SPIRE1: variants seen among roughly 807,000 people sequenced by gnomAD.
SPIRE1 encodes the protein protein spire homolog 1.
Under a neutral mutation model 94.1 loss-of-function variants are expected in SPIRE1, and 40 were observed. The observed-to-expected ratio is 0.43, with a 90% CI of 0.33 to 0.55. The LOEUF is 0.55. Among genes scored for constraint, SPIRE1 ranks in the 20% least tolerant of loss-of-function variants. The probability of loss-of-function intolerance (pLI) is 0.06; values close to 1 mark genes in which losing one functional copy is unlikely to be tolerated. For missense variants in SPIRE1, 838 were observed against 975.2 expected, an observed-to-expected ratio of 0.86 and a Z score of 1.87; for synonymous variants, 376 against 371.7, an observed-to-expected ratio of 1.01 and a Z score of -0.13.
chr18:12,655,211 C>T (rs1471125140), intron 1 of SPIRE1, among the ~76,000 whole-genome samples: 1 of 142,292 alleles, frequency 7.0e-6, no homozygotes, highest in African/African-American at 2.7e-5. Context: ...CTGGGCAATA[C>T]AGCAAGACCC....
At chr18:12,565,947 C>T (rs764329381) in intron 2 of SPIRE1, among the ~76,000 whole-genome samples, 11 of 140,622 alleles carry the variant, frequency 7.8e-5, no homozygotes, top group South Asian at 4.6e-4. Context: ...GGGAGTAGAT[C>T]GCTTGAACCT....
chr18:12,629,458 C>T (rs181009477), intron 2 of SPIRE1, among the ~76,000 whole-genome samples: 9 of 152,246 alleles, frequency 5.9e-5, no homozygotes, highest in Admixed American at 3.9e-4. Flanking sequence ...GACAGGCAAG[C>T]GCCTACGAGT....
At chr18:12,625,696 G>A (rs576012738) in intron 2 of SPIRE1, among the ~76,000 whole-genome samples, 2 of 152,230 alleles carry the variant, frequency 1.3e-5, no homozygotes, top group South Asian at 4.2e-4. Flanking sequence ...CTTCTTTCAG[G>A]TTGGATTTTT....
rs1342370641 is a variant in SPIRE1, at chr18:12,559,624, T to C, written c.373-12720A>G. On this transcript the variant is annotated intron_variant, in intron 2 of 16. Transcript: ENST00000409402. This position sits in a 1 kb window ranked among gnomAD's most constrained non-coding sequence, Gnocchi z 4.7. ...GGTGCCAAGAGCGAGCGAGGGCTGCTAGCACGTTGTCACCTCTCACTACTA... is the reference window on the plus strand; with the variant it reads ...GGTGCCAAGAGCGAGCGAGGGCTGCCAGCACGTTGTCACCTCTCACTACTA... Among the ~76,000 whole-genome samples, 1 of 152,150 alleles carries C rather than the reference T, an allele frequency of 6.6e-6. No individual in the cohort carries two copies. Among genetic ancestry groups the C allele is most frequent in the Non-Finnish European group, 1.5e-5 (1 of 68,018 alleles).
chr18:12,451,071 T>TAA, intron 16 of SPIRE1: 1 of 388,524 alleles, frequency 2.6e-6, no homozygotes, highest in Admixed American at 3.7e-5. Context: ...ACTGTCCATT[T>TAA]GAAAAAAAAA....
intron 1 of SPIRE1, among the ~76,000 whole-genome samples, chr18:12,651,314 T>C (rs1237180303): frequency 6.6e-6 from 1 of 152,174 alleles, no homozygotes; most frequent in African/African-American, 2.4e-5. Flanking sequence ...ACTTCATATA[T>C]TCCTTTCCTT....
chr18:12,588,915 T>G (rs1224679921), intron 2 of SPIRE1, among the ~76,000 whole-genome samples: 1 of 152,200 alleles, frequency 6.6e-6, no homozygotes, highest in African/African-American at 2.4e-5. Flanking sequence ...TACAAACATC[T>G]TTGCCACTTG....
chr18:12,590,710 C>T (rs1477355536), intron 2 of SPIRE1, among the ~76,000 whole-genome samples: 1 of 152,130 alleles, frequency 6.6e-6, no homozygotes, highest in Non-Finnish European at 1.5e-5. Flanking sequence ...AAGACACAGG[C>T]ATGAAGACCC....
chr18:12,485,555 G>T (rs373854494), intron 9 of SPIRE1, among the ~76,000 whole-genome samples: 2 of 152,234 alleles, frequency 1.3e-5, no homozygotes, highest in East Asian at 3.9e-4. Context: ...TTAAATAACT[G>T]AATGCTTTAG....
chr18:12,451,597 TTCATGCTGGGC>T (rs900895767), intron 16 of SPIRE1, among the ~76,000 whole-genome samples: 1 of 152,128 alleles, frequency 6.6e-6, no homozygotes, highest in Admixed American at 6.6e-5. Flanking sequence ...AGGCACAAGG[TTCATGCTGGGC>T]TCACAGCTTC....
intron 2 of SPIRE1, among the ~76,000 whole-genome samples, chr18:12,590,477 A>G (rs2036502016): frequency 6.6e-6 from 1 of 152,206 alleles, no homozygotes; most frequent in South Asian, 2.1e-4. Flanking sequence ...CCATAGAAAA[A>G]GTTTTCGGGC....
intron 2 of SPIRE1, among the ~76,000 whole-genome samples, chr18:12,596,339 C>T (rs2036671102): frequency 6.6e-6 from 1 of 152,156 alleles, no homozygotes; most frequent in Non-Finnish European, 1.5e-5. Flanking sequence ...ATTTCCTATC[C>T]TTATTTTGCC....
intron 1 of SPIRE1, among the ~76,000 whole-genome samples, chr18:12,644,398 T>C (rs549428808): frequency 1.3e-5 from 2 of 152,280 alleles, no homozygotes; most frequent in Admixed American, 6.5e-5. Context: ...TATAGTTACA[T>C]TGTTTTATTA....
At chr18:12,457,016 A>G (rs1457661154) in intron 12 of SPIRE1, among the ~76,000 whole-genome samples, 1 of 152,038 alleles carries the variant, frequency 6.6e-6, no homozygotes, top group African/African-American at 2.4e-5. Flanking sequence ...TTTTGTGTAG[A>G]GATGGGGGTT....
intron 2 of SPIRE1, among the ~76,000 whole-genome samples, chr18:12,575,932 G>A (rs1027682232): frequency 2.0e-5 from 3 of 152,282 alleles, no homozygotes; most frequent in Admixed American, 1.3e-4. Context: ...GGCCAGACGC[G>A]GTGGCTCACG....
intron 4 of SPIRE1, among the ~76,000 whole-genome samples, chr18:12,529,375 A>G (rs1052379281): frequency 4.6e-5 from 7 of 151,786 alleles, no homozygotes; most frequent in Admixed American, 3.9e-4. Flanking sequence ...TCTCAAAAAA[A>G]AAAAAAAGGG....
intron 3 of SPIRE1, among the ~76,000 whole-genome samples, chr18:12,536,693 T>G (rs1449480632): frequency 6.6e-6 from 1 of 152,094 alleles, no homozygotes; most frequent in Non-Finnish European, 1.5e-5. Flanking sequence ...GGGTAAAAGG[T>G]GCAACTTAGT....
At chr18:12,568,667 C>A (rs1395850317) in intron 2 of SPIRE1, among the ~76,000 whole-genome samples, 1 of 152,226 alleles carries the variant, frequency 6.6e-6, no homozygotes, top group Non-Finnish European at 1.5e-5. Flanking sequence ...AATTCTCCAA[C>A]AAGACTAAGC....
chr18:12,505,426 C>T (rs891091096), intron 6 of SPIRE1, among the ~76,000 whole-genome samples: 2 of 151,994 alleles, frequency 1.3e-5, no homozygotes, highest in African/African-American at 4.8e-5. Flanking sequence ...GTGGCGCACA[C>T]CTGTGGTCCC....
Sources: gnomAD v4.1 joint callset for allele counts (sites outside exome capture counted in the v4.1 genomes callset) on GRCh38, gnomAD v4.1.1 for gene constraint, Gnocchi (gnomAD v3.1) non-coding constraint, MANE v1.5 for transcripts, NCBI Gene and HGNC (gene_info 2026-07-23, HGNC 2026-07-21) for gene names.